PDK1: variants seen among roughly 807,000 people sequenced by gnomAD.
The protein encoded by PDK1 is pyruvate dehydrogenase kinase 1.
PDK1 carries 39 observed loss-of-function variants against 54.2 expected under a neutral mutation model. The ratio of observed to expected loss-of-function variants is 0.72; its 90% CI spans 0.56 to 0.94. PDK1 has a LOEUF of 0.94. PDK1 is among the 40% of genes least tolerant of loss of function. The pLI, the probability that PDK1 is intolerant of heterozygous loss-of-function variation, is 0.00. For synonymous variants in PDK1, 221 were observed against 207.1 expected, an observed-to-expected ratio of 1.07 and a Z score of -0.58; for missense variants, 552 against 566.0, an observed-to-expected ratio of 0.98 and a Z score of 0.25.
chr2:172,630,739 T>C, the PDK1 span, among the ~76,000 whole-genome samples: 150,132 of 152,126 alleles, frequency 0.99, 74,127 homozygotes, highest in Middle Eastern at 1. Context: ...AAGCAATTCT[T>C]GTGCCTCAGC....
intron 9 of PDK1, among the ~76,000 whole-genome samples, chr2:172,588,060 A>G (rs1690360869): frequency 3.3e-5 from 5 of 152,222 alleles, no homozygotes; most frequent in African/African-American, 2.4e-5. Context: ...GATGCATAGC[A>G]CAAATGCTAT....
In PDK1 at chr2:172,605,191, A is replaced by G. The variant is rs1365153976; in HGVS notation, c.*9222A>G. On this transcript the variant is annotated 3_prime_UTR_variant, in exon 11 of 11. Coordinates refer to ENST00000282077, the MANE Select transcript of PDK1 (RefSeq NM_002610.5). ...GTCTTTTATTTCTAAGTGAGGATCC[A>G]GTCAACAGGAGGCACAAGAGATAGA... The G allele has an allele frequency of 1.3e-5, 2 of 152,302 alleles. No individual in the cohort carries two copies. Among genetic ancestry groups the G allele is most frequent in the East Asian group, 3.9e-4 (2 of 5,174 alleles). The allele number at this position is 152,302 out of a possible 1,614,324, so 9.4% of individuals were successfully genotyped here.
At chr2:172,706,682 G>A in the PDK1 span, among the ~76,000 whole-genome samples, 1 of 152,166 alleles carries the variant, frequency 6.6e-6, no homozygotes, top group African/African-American at 2.4e-5. Context: ...GCCCGCCTCA[G>A]CCTCCCAAAG....
chr2:172,556,121 C>T lies in PDK1; in HGVS notation c.-30C>T. On this transcript the variant is annotated 5_prime_UTR_variant, in exon 1 of 11. Transcript: ENST00000282077. ...CAGAGGCGCGGGGAAACCTGGCGTACTGGCTGTGGCTTCTCTAGCGGGACT... is the reference window on the plus strand; with the variant it reads ...CAGAGGCGCGGGGAAACCTGGCGTATTGGCTGTGGCTTCTCTAGCGGGACT... The T allele has an allele frequency of 7.3e-7, 1 of 1,367,798 alleles. No homozygotes were observed. Among genetic ancestry groups the T allele is most frequent in the Non-Finnish European group, 9.4e-7 (1 of 1,065,540 alleles). 84.7% of individuals were successfully genotyped at this position (1,367,798 alleles called of 1,614,324 possible).
chr2:172,626,781 A>G, the PDK1 span, among the ~76,000 whole-genome samples: 1 of 152,120 alleles, frequency 6.6e-6, no homozygotes, highest in Non-Finnish European at 1.5e-5. Context: ...AAGAAAAGAA[A>G]TTAATGTCAC....
chr2:172,677,705 A>C, the PDK1 span: 3 of 152,376 alleles, frequency 2.0e-5, no homozygotes, highest in East Asian at 3.9e-4. Flanking sequence ...TAAACATCTT[A>C]AAAAGAGGCA....
intron 8 of PDK1, among the ~76,000 whole-genome samples, chr2:172,574,519 A>G (rs938526362): frequency 6.6e-6 from 1 of 152,180 alleles, no homozygotes; most frequent in Non-Finnish European, 1.5e-5. Context: ...TAGAGTTAAC[A>G]ATATTAACTC....
the PDK1 span, among the ~76,000 whole-genome samples, chr2:172,714,329 A>C: frequency 1.3e-5 from 2 of 152,216 alleles, no homozygotes; most frequent in Admixed American, 6.5e-5. Context: ...TTAAAAATAT[A>C]TGAACAACCT....
At chr2:172,714,962 T>G in the PDK1 span, among the ~76,000 whole-genome samples, 1 of 152,180 alleles carries the variant, frequency 6.6e-6, no homozygotes. Context: ...GAATATAGAT[T>G]TTCTATATCT....
At chr2:172,710,726 A>T in the PDK1 span, among the ~76,000 whole-genome samples, 1 of 152,236 alleles carries the variant, frequency 6.6e-6, no homozygotes, top group Admixed American at 6.5e-5. Context: ...TGAAATTGTC[A>T]GACTGTCAAG....
the PDK1 span, among the ~76,000 whole-genome samples, chr2:172,631,762 G>C: frequency 6.6e-6 from 1 of 152,108 alleles, no homozygotes; most frequent in South Asian, 2.1e-4. Context: ...ATGACTGGTA[G>C]CATTGTTTAG....
At chr2:172,665,420 T>C in the PDK1 span, among the ~76,000 whole-genome samples, 2 of 152,214 alleles carry the variant, frequency 1.3e-5, no homozygotes, top group Non-Finnish European at 2.9e-5. Flanking sequence ...TGAGAAATTA[T>C]GTTCTGAGGA....
At chr2:172,611,110 G>C (rs1440328057), downstream of PDK1, among the ~76,000 whole-genome samples, 1 of 152,034 alleles carries the variant, frequency 6.6e-6, no homozygotes, top group Non-Finnish European at 1.5e-5. Context: ...CAGAGACTTA[G>C]GGCTTCAGAA....
the PDK1 span, among the ~76,000 whole-genome samples, chr2:172,714,569 T>A: frequency 6.6e-6 from 1 of 151,966 alleles, no homozygotes; most frequent in African/African-American, 2.4e-5. Context: ...GTTATCACAG[T>A]TATTAATATA....
At chr2:172,613,126 A>G (rs1177736656), downstream of PDK1, among the ~76,000 whole-genome samples, 1 of 152,212 alleles carries the variant, frequency 6.6e-6, no homozygotes, top group African/African-American at 2.4e-5. Context: ...ACCTCAGACC[A>G]TGATGCAGAA....
At chr2:172,653,310 A>G in the PDK1 span, among the ~76,000 whole-genome samples, 1 of 152,196 alleles carries the variant, frequency 6.6e-6, no homozygotes, top group South Asian at 2.1e-4. Flanking sequence ...CATCTAATAC[A>G]AAAATTAATT....
rs527980326 is a variant in PDK1, at chr2:172,601,064, G to A, written c.*5095G>A. On this transcript the variant is annotated 3_prime_UTR_variant, in exon 11 of 11. Coordinates refer to ENST00000282077, the MANE Select transcript of PDK1 (RefSeq NM_002610.5). ...TTTGTTAAAAGAAAAGTTTTCTGCC[G>A]GGGACTCGCTTTACCCTGTCTACCT... 4 of 152,204 alleles carry A rather than the reference G, an allele frequency of 2.6e-5. No homozygotes were observed. Among genetic ancestry groups the A allele is most frequent in the Admixed American group, 6.5e-5 (1 of 15,290 alleles). 9.4% of individuals were successfully genotyped at this position (152,204 alleles called of 1,614,324 possible).
At chr2:172,699,781 A>G in the PDK1 span, among the ~76,000 whole-genome samples, 5 of 147,806 alleles carry the variant, frequency 3.4e-5, no homozygotes, top group South Asian at 1.1e-3. Flanking sequence ...AGTATTTATT[A>G]TCATCCTTGG....
At chr2:172,664,647 A>G in the PDK1 span, among the ~76,000 whole-genome samples, 1 of 151,438 alleles carries the variant, frequency 6.6e-6, no homozygotes, top group South Asian at 2.1e-4. Flanking sequence ...TTCTTCAGGA[A>G]CTCTGATAAC....
Sources: allele counts gnomAD v4.1 joint callset (sites outside exome capture counted in the v4.1 genomes callset), GRCh38; gene constraint gnomAD v4.1.1; transcripts MANE v1.5; gene names NCBI Gene and HGNC (gene_info 2026-07-23, HGNC 2026-07-21).